Variants in MOB1A observed in about 807,000 individuals in gnomAD.
The protein encoded by MOB1A is MOB kinase activator 1A, also known as MOB1 Mps One Binder homolog A.
A neutral mutation model predicts 25.1 loss-of-function variants in MOB1A; 10 were observed. The observed-to-expected ratio is 0.40, with a 90% CI of 0.25 to 0.68. The LOEUF (loss-of-function observed/expected upper bound fraction) is 0.68. Among genes scored for constraint, MOB1A ranks in the 30% least tolerant of loss-of-function variants. The pLI, the probability that MOB1A is intolerant of heterozygous loss-of-function variation, is 0.40. For missense variants in MOB1A, 177 were observed against 256.3 expected, an observed-to-expected ratio of 0.69 and a Z score of 2.11; for synonymous variants, 81 against 79.5, an observed-to-expected ratio of 1.02 and a Z score of -0.10.
intron 1 of MOB1A, chr2:74,178,150 T>C (rs1379782475): frequency 6.6e-6 from 1 of 152,460 alleles, no homozygotes; most frequent in African/African-American, 2.4e-5. Flanking sequence ...TCAAAGCCAG[T>C]AAGTGGGCAG....
chr2:74,153,245 G>A lies in MOB1A; in HGVS notation c.*3323C>T, dbSNP rs1050626671. On this transcript the variant is annotated 3_prime_UTR_variant, in exon 6 of 6. Transcript: ENST00000396049. The stretch of plus-strand genomic sequence containing the variant: ...TTTAAAACAAATTTCTAGGACTTAC[G>A]CTCTTTGGGCCTGATTTGTTAATGC... The A allele has an allele frequency of 7.2e-5, 11 of 152,090 alleles. No individual in the cohort carries two copies. Among genetic ancestry groups the A allele is most frequent in the Admixed American group, 6.6e-4 (10 of 15,262 alleles). 9.4% of individuals were successfully genotyped at this position (152,090 alleles called of 1,614,324 possible). A position where few individuals can be genotyped will look rare whatever the true frequency, so the allele number is the denominator to read the frequency against.
At chr2:74,165,552 G>T (rs1232073722) in intron 3 of MOB1A, among the ~76,000 whole-genome samples, 1 of 152,192 alleles carries the variant, frequency 6.6e-6, no homozygotes, top group Non-Finnish European at 1.5e-5. Context: ...AAGAAAAAAG[G>T]GAGATAATGT....
chr2:74,155,640 ATC>A lies in MOB1A; in HGVS notation c.*926_*927del, dbSNP rs1370130693. 4.8e-4 allele frequency: 73 copies of A among 152,738 alleles called. No individual in the cohort carries two copies. Among genetic ancestry groups the A allele is most frequent in the African/African-American group, 1.5e-3 (64 of 41,588 alleles). 9.5% of individuals were successfully genotyped at this position (152,738 alleles called of 1,614,324 possible). A position where few individuals can be genotyped will look rare whatever the true frequency, so the allele number is the denominator to read the frequency against. ...TTTTTTAATAAAAGGAAATAAAATA[ATC>A]AAGTACTCTGAGTATTTTCCTCCAT... is the stretch of plus-strand genomic sequence containing the variant. On this transcript the variant is annotated 3_prime_UTR_variant, in exon 6 of 6. Coordinates refer to ENST00000396049, the MANE Select transcript of MOB1A (RefSeq NM_018221.5).
At chr2:74,158,460 CTTT>C (rs1341031655) in intron 5 of MOB1A, among the ~76,000 whole-genome samples, 2 of 152,086 alleles carry the variant, frequency 1.3e-5, no homozygotes, top group South Asian at 2.1e-4. Context: ...TCTTTGATAT[CTTT>C]TTCAAACAAT....
chr2:74,162,929 G>A, intron 4 of MOB1A, among the ~76,000 whole-genome samples: 1 of 152,128 alleles, frequency 6.6e-6, no homozygotes, highest in East Asian at 1.9e-4. Flanking sequence ...ATGGTCATAG[G>A]CAACAGATAC....
chr2:74,170,724 CAAAA>C (rs34655105), intron 2 of MOB1A, among the ~76,000 whole-genome samples: 3 of 121,908 alleles, frequency 2.5e-5, no homozygotes, highest in African/African-American at 9.3e-5. Context: ...GATTCCATCT[CAAAA>C]AAAAAAAAAA....
At position 74,169,182 on chromosome 2, in the gene MOB1A, T is replaced by C. The variant is rs144445946; in HGVS notation, c.182-2075A>G. ...TCGTAAAAACATATTTATGGTAACATGTAATGGGTTTATTATTGTTATTTT... is the reference window on the plus strand; with the variant it reads ...TCGTAAAAACATATTTATGGTAACACGTAATGGGTTTATTATTGTTATTTT... On this transcript the variant is annotated intron_variant, in intron 2 of 5. Coordinates refer to ENST00000396049, the MANE Select transcript of MOB1A (RefSeq NM_018221.5). 1.7e-3 allele frequency among the ~76,000 whole-genome samples: 259 copies of C among 152,330 alleles called. 3 individuals carry two copies. Among genetic ancestry groups the C allele is most frequent in the African/African-American group, 5.8e-3 (242 of 41,584 alleles).
In MOB1A at chr2:74,155,396, T is replaced by C. The variant is rs1005876938; in HGVS notation, c.*1172A>G. The stretch of plus-strand genomic sequence containing the variant: ...AATATTAACAAAATGAGGATTTTTT[T>C]AAAACTTATTTCTCCCATTTTGTTT... On this transcript the variant is annotated 3_prime_UTR_variant, in exon 6 of 6. Transcript: ENST00000396049. 1 of 152,660 alleles carries C rather than the reference T, an allele frequency of 6.6e-6. No homozygotes were observed. Among genetic ancestry groups the C allele is most frequent in the Non-Finnish European group, 1.5e-5 (1 of 68,020 alleles). The allele number at this position is 152,660 out of a possible 1,614,324, so 9.5% of individuals were successfully genotyped here.
intron 4 of MOB1A, among the ~76,000 whole-genome samples, chr2:74,162,499 A>G (rs1693001194): frequency 6.6e-6 from 1 of 152,148 alleles, no homozygotes; most frequent in African/African-American, 2.4e-5. Flanking sequence ...AAAAGAGAGA[A>G]AAGAGGATAA....
rs368867790 is a variant in MOB1A at position 74,159,247 on chromosome 2, T to C, written c.417A>G (p.Pro139=). 5.0e-5 allele frequency: 80 copies of C among 1,612,806 alleles called. No individual in the cohort carries two copies. The highest frequency in any genetic ancestry group is 6.4e-5 in the Non-Finnish European group (75 of 1,179,540). ...CCACAGACATAAAGTTTTTGGGAAA[T>C]GGGACACCTGCAATTAAATACACAT... is the stretch of plus-strand genomic sequence containing the variant. ...ETLFPSKIGV[P]FPKNFMSVAK... The change falls in exon 5 of 6, where the codon CCA becomes CCG. Residue 139 remains proline, a synonymous_variant. Coordinates refer to ENST00000396049, the MANE Select transcript of MOB1A (RefSeq NM_018221.5).
At chr2:74,172,845 A>C in intron 1 of MOB1A, 93 bp from the exon 2 acceptor site, 1 of 1,300,366 alleles carries the variant, frequency 7.7e-7, no homozygotes, top group Non-Finnish European at 1.1e-6. Flanking sequence ...GTAGCCTGTA[A>C]AAATAAAATA....
intron 1 of MOB1A, chr2:74,173,128 TCA>T: frequency 2.0e-6 from 1 of 497,726 alleles, no homozygotes; most frequent in Non-Finnish European, 4.0e-6. Context: ...AGAGCAAGAC[TCA>T]GTCTCAAAAA....
At position 74,172,633 on chromosome 2, in the gene MOB1A, A is replaced by C; in HGVS notation, c.134T>G (p.Val45Gly). The C allele has an allele frequency of 6.2e-7, 1 of 1,613,874 alleles. No individual in the cohort carries two copies. Among genetic ancestry groups the C allele is most frequent in the Non-Finnish European group, 8.5e-7 (1 of 1,179,838 alleles). ...GAGATCCTCTCCCTCAGGCAACATAACAGCTTGTCTCAGATTCCCACTTCC... is the reference window on the plus strand; with the variant it reads ...GAGATCCTCTCCCTCAGGCAACATACCAGCTTGTCTCAGATTCCCACTTCC... The part of the protein sequence containing the change: ...TLGSGNLRQA[V>G]MLPEGEDLNE... Residue 45 changes from valine to glycine, a missense_variant, in exon 2 of 6, where the codon GTT becomes GGT. Transcript: ENST00000396049.
intron 1 of MOB1A, 34 bp downstream of exon 1, chr2:74,178,627 G>A (rs1304337524): frequency 3.6e-6 from 5 of 1,376,644 alleles, no homozygotes; most frequent in South Asian, 1.7e-5. Context: ...ACCTCGGCCC[G>A]CAGGCCCGGC....
chr2:74,157,042 T>C (rs1024142577), intron 5 of MOB1A, among the ~76,000 whole-genome samples: 1 of 151,206 alleles, frequency 6.6e-6, no homozygotes, highest in Non-Finnish European at 1.5e-5. Context: ...ATCACCAGAG[T>C]GCTAAGAGTA....
rs1263559686 is a variant in MOB1A at position 74,172,481 on chromosome 2, A to G, written c.181+105T>C. On this transcript the variant is annotated intron_variant, in intron 2 of 5. Coordinates refer to ENST00000396049, the MANE Select transcript of MOB1A (RefSeq NM_018221.5). ...TTGTACTTAATGTTTCTTTACAGAT[A>G]ATTTGTTATATTAAAACAGTTCTAA... is the stretch of plus-strand genomic sequence containing the variant. 21 of 1,068,218 alleles carry G rather than the reference A, an allele frequency of 2.0e-5. No homozygotes were observed. In the East Asian group the frequency reaches 5.1e-4, roughly 26 times the overall value. The allele number at this position is 1,068,218 out of a possible 1,614,324, so 66.2% of individuals were successfully genotyped here.
intron 4 of MOB1A, chr2:74,164,674 A>C (rs556675680): frequency 2.0e-5 from 3 of 152,364 alleles, no homozygotes; most frequent in African/African-American, 7.2e-5. Context: ...CCATGAACAA[A>C]ATGAGACAAA....
Position 74,165,241 on chromosome 2 carries a change from T to G in MOB1A, c.386A>C (p.Glu129Ala). The G allele has an allele frequency of 6.4e-7, 1 of 1,550,786 alleles. No individual in the cohort carries two copies. The highest frequency in any genetic ancestry group is 8.7e-7 in the Non-Finnish European group (1 of 1,146,134). ...ACCAATCTTAGAAGGAAAAAGAGTT[T>G]CATCATCAAGCTGATCTTGAACCCA... ...MTWVQDQLDD[E>A]TLFPSKIGVP... Residue 129 changes from glutamate (E) to alanine (A), a missense_variant, in exon 4 of 6, where the codon GAA (glutamate) becomes GCA (alanine). Glu to Ala is a moderately radical substitution (Grantham distance 107). Coordinates refer to ENST00000396049, the MANE Select transcript of MOB1A (RefSeq NM_018221.5).
rs1177262708 is a variant in MOB1A at position 74,152,638 on chromosome 2, A to T, written c.*3930T>A. 6.6e-6 allele frequency: 1 copy of T among 152,250 alleles called. No homozygotes were observed. The highest frequency in any genetic ancestry group is 1.5e-5 in the Non-Finnish European group (1 of 68,046). 9.4% of individuals were successfully genotyped at this position (152,250 alleles called of 1,614,324 possible). On this transcript the variant is annotated 3_prime_UTR_variant, in exon 6 of 6. Coordinates refer to ENST00000396049, the MANE Select transcript of MOB1A (RefSeq NM_018221.5). ...TTTATTCTGACGAAGTTACAAAAGT[A>T]GATACAAAATACTTTTTTTAGAAGT...
Sources: allele counts gnomAD v4.1 joint callset (sites outside exome capture counted in the v4.1 genomes callset), GRCh38; gene constraint gnomAD v4.1.1; transcripts MANE v1.5; gene names NCBI Gene and HGNC (gene_info 2026-07-23, HGNC 2026-07-21).